The following LCORL variants were observed in gnomAD, a reference collection of about 807,000 sequenced individuals.
LCORL encodes ligand dependent nuclear receptor corepressor like.
LCORL carries 41 observed loss-of-function variants against 141.8 expected under a neutral mutation model. The ratio of observed to expected loss-of-function variants is 0.29; its 90% CI spans 0.23 to 0.38. The LOEUF (loss-of-function observed/expected upper bound fraction) is 0.38, where lower values mean the gene tolerates loss of function less well. Ranked by LOEUF, LCORL falls within the 10% of genes least tolerant of loss-of-function variation. LCORL has a pLI of 1.00. For missense variants in LCORL, 1,759 were observed against 2,035.0 expected (o/e 0.86, Z 2.61); for synonymous variants, 618 against 694.1 (o/e 0.89, Z 1.72).
rs761784734 is a variant in LCORL at position 17,897,213 on chromosome 4, CTTTTTTTTTTTTTTTTT to C, written c.683-11069_683-11053del. ...AGACTTCTCTTTGATATACTGATTTCTTTTTTTTTTTTTTTTTTTTTTTTTTTTTTTTTTTTTTAGGG... is the reference window on the plus strand; with the variant it reads ...AGACTTCTCTTTGATATACTGATTTCTTTTTTTTTTTTTTTTTTTTTAGGG... On this transcript the variant is annotated intron_variant, in intron 5 of 7. Transcript: ENST00000635767. Among the ~76,000 whole-genome samples the C allele has an allele frequency of 0.02, 1,302 of 63,992 alleles. 133 individuals are homozygous for C. The East Asian group carries it at 0.25, about 12-fold the overall frequency. The allele number at this position is 63,992 out of a possible 152,430, so 42.0% of individuals were successfully genotyped here.
intron 4 of LCORL, among the ~76,000 whole-genome samples, chr4:17,921,585 C>T (rs541145277): frequency 1.3e-5 from 2 of 152,270 alleles, no homozygotes; most frequent in South Asian, 4.1e-4. Context: ...TAATCAAGTG[C>T]ATTTTCAGTG....
chr4:17,877,726 C>T, exon 7 of LCORL: 1 of 1,230,616 alleles, frequency 8.1e-7, no homozygotes, highest in Non-Finnish European at 1.0e-6. Context: ...AGATCACATA[C>T]TTCCTTTGAC....
chr4:17,892,470 A>G (rs1349008309), intron 5 of LCORL, among the ~76,000 whole-genome samples: 1 of 152,082 alleles, frequency 6.6e-6, no homozygotes. Flanking sequence ...TTGGCCTCCC[A>G]AAGTGCTGGG....
chr4:17,915,346 C>G (rs1458844743), intron 4 of LCORL, among the ~76,000 whole-genome samples: 1 of 152,084 alleles, frequency 6.6e-6, no homozygotes, highest in Non-Finnish European at 1.5e-5. Flanking sequence ...AACAAGTGAG[C>G]CAAAACCAAC....
intron 5 of LCORL, among the ~76,000 whole-genome samples, chr4:17,894,005 G>T (rs1044554940): frequency 1.3e-5 from 2 of 152,022 alleles, no homozygotes; most frequent in African/African-American, 2.4e-5. Context: ...CACCATGTTG[G>T]CCAGGCTGGT....
chr4:17,866,962 G>C (rs547404619), intron 7 of LCORL: 7 of 984,380 alleles, frequency 7.1e-6, no homozygotes, highest in Non-Finnish European at 8.4e-6. Context: ...GGTGGTAGCA[G>C]CTGGTTAAAG....
intron 4 of LCORL, chr4:17,912,397 G>A: frequency 3.1e-6 from 2 of 635,594 alleles, no homozygotes; most frequent in Non-Finnish European, 3.0e-6. Context: ...TAGGGTGACT[G>A]CGGAGGTAGA....
intron 7 of LCORL, among the ~76,000 whole-genome samples, chr4:17,867,855 T>C (rs1725874184): frequency 6.6e-6 from 1 of 152,188 alleles, no homozygotes; most frequent in South Asian, 2.1e-4. Context: ...AAGACAAAGA[T>C]TGTTTACCTG....
chr4:17,953,850 G>A (rs984068583), intron 4 of LCORL, among the ~76,000 whole-genome samples: 5 of 152,124 alleles, frequency 3.3e-5, no homozygotes, highest in African/African-American at 1.2e-4. Flanking sequence ...ATTTTAAGAG[G>A]AGTAAGGGAG....
chr4:17,923,316 T>C (rs1428736416), intron 4 of LCORL, among the ~76,000 whole-genome samples: 1 of 152,166 alleles, frequency 6.6e-6, no homozygotes, highest in Non-Finnish European at 1.5e-5. Flanking sequence ...AAGGTTCTAA[T>C]AGTTTATTTG....
chr4:17,888,169 C>T (rs1458591696), intron 5 of LCORL, among the ~76,000 whole-genome samples: 2 of 151,928 alleles, frequency 1.3e-5, no homozygotes, highest in East Asian at 3.9e-4. Flanking sequence ...GCCTGGCATA[C>T]AATAAGTATT....
At chr4:17,908,586 G>A (rs2109324409) in intron 5 of LCORL, among the ~76,000 whole-genome samples, 1 of 152,118 alleles carries the variant, frequency 6.6e-6, no homozygotes, top group Admixed American at 6.5e-5. Context: ...GTCCAACATG[G>A]TCTTCATCAT....
At chr4:18,005,722 G>A (rs993726140) in intron 1 of LCORL, among the ~76,000 whole-genome samples, 1 of 152,162 alleles carries the variant, frequency 6.6e-6, no homozygotes, top group African/African-American at 2.4e-5. Flanking sequence ...GCCACGGCCC[G>A]AGCTCTATGT....
At chr4:17,841,623 A>G (rs1350453642) in exon 8 of LCORL, 1 of 151,932 alleles carries the variant, frequency 6.6e-6, no homozygotes, top group African/African-American at 2.4e-5. Flanking sequence ...ATATCACACC[A>G]TGAGAACACC....
chr4:17,912,916 C>T (rs1257603274), intron 4 of LCORL: 3 of 468,906 alleles, frequency 6.4e-6, no homozygotes, highest in Non-Finnish European at 8.3e-6. Flanking sequence ...GACCACCAGC[C>T]ACCGGATAGT....
intron 6 of LCORL, chr4:17,881,485 C>CTGTATTATT: frequency 1.2e-6 from 1 of 857,784 alleles, no homozygotes; most frequent in Non-Finnish European, 1.4e-6. Flanking sequence ...TTTTAATTTA[C>CTGTATTATT]TATTTCTGAC....
chr4:17,962,862 TA>T (rs997183587), intron 3 of LCORL, 107 bp downstream of exon 3: 1 of 488,868 alleles, frequency 2.0e-6, no homozygotes, highest in African/African-American at 2.0e-5. Context: ...ATCAAATACT[TA>T]AACTTCCACT....
intron 4 of LCORL, among the ~76,000 whole-genome samples, chr4:17,927,201 G>A (rs1167758470): frequency 6.6e-6 from 1 of 152,136 alleles, no homozygotes; most frequent in African/African-American, 2.4e-5. Context: ...ACCAATCTCT[G>A]CTAGCTTCCA....
intron 1 of LCORL, among the ~76,000 whole-genome samples, chr4:17,988,251 T>G (rs768139134): frequency 6.6e-5 from 10 of 152,110 alleles, no homozygotes; most frequent in Non-Finnish European, 1.0e-4. Context: ...CTTTTGTAAA[T>G]TGCCCAGTCT....
Sources: gnomAD v4.1 joint callset for allele counts (sites outside exome capture counted in the v4.1 genomes callset) on GRCh38, gnomAD v4.1.1 for gene constraint, MANE v1.5 for transcripts, NCBI Gene and HGNC (gene_info 2026-07-23, HGNC 2026-07-21) for gene names.